DPP6: variants seen among roughly 807,000 people sequenced by gnomAD.
The protein encoded by DPP6 is dipeptidyl peptidase like 6.
In DPP6, 69 loss-of-function variants were observed where a neutral mutation model predicts 122.6. That is an observed-to-expected ratio of 0.56 (90% CI 0.46 to 0.69). DPP6 has a LOEUF of 0.69. DPP6 is among the 30% of genes least tolerant of loss of function. The probability of loss-of-function intolerance (pLI) is 0.00; values close to 1 mark genes in which losing one functional copy is unlikely to be tolerated. For synonymous variants in DPP6, 418 were observed against 433.1 expected, an observed-to-expected ratio of 0.97 and a Z score of 0.43; for missense variants, 928 against 1,116.9, an observed-to-expected ratio of 0.83 and a Z score of 2.41.
At chr7:154,203,282 A>C (rs965415615) in intron 1 of DPP6, among the ~76,000 whole-genome samples, 1 of 152,158 alleles carries the variant, frequency 6.6e-6, no homozygotes, top group African/African-American at 2.4e-5. Flanking sequence ...GAATACGGAA[A>C]CAATGATCCC....
chr7:154,331,821 C>T (rs544608605), intron 1 of DPP6, among the ~76,000 whole-genome samples: 5 of 152,302 alleles, frequency 3.3e-5, no homozygotes, highest in Admixed American at 1.3e-4. Context: ...CGTAAAAACA[C>T]TCTGTGACTT....
the DPP6 span, among the ~76,000 whole-genome samples, chr7:153,879,499 C>T: frequency 6.6e-6 from 1 of 152,176 alleles, no homozygotes; most frequent in African/African-American, 2.4e-5. Flanking sequence ...AAGCAATTCT[C>T]CTGTCTCAGC....
At chr7:154,332,547 T>C (rs1420942491) in intron 1 of DPP6, among the ~76,000 whole-genome samples, 3 of 152,234 alleles carry the variant, frequency 2.0e-5, no homozygotes, top group Non-Finnish European at 4.4e-5. Flanking sequence ...TTGGGGTCTT[T>C]GTGTGTCCAC....
At chr7:154,545,536 C>G (rs945625144) in intron 4 of DPP6, among the ~76,000 whole-genome samples, 1 of 135,974 alleles carries the variant, frequency 7.4e-6, no homozygotes, top group Non-Finnish European at 1.6e-5. Context: ...TGTAGAAATA[C>G]ACTTAAAATA....
chr7:154,081,566 G>A (rs79145247), intron 1 of DPP6, among the ~76,000 whole-genome samples: 75,738 of 140,992 alleles, frequency 0.54, 19,961 homozygotes, highest in South Asian at 0.65. Flanking sequence ...CTGTGGCATG[G>A]AGTAGGCTGG....
At position 154,060,742 on chromosome 7, in the gene DPP6, G is replaced by A. The variant is rs551594742; in HGVS notation, c.243+7679G>A. 4.9e-4 allele frequency among the ~76,000 whole-genome samples: 68 copies of A among 140,098 alleles called. No homozygotes were observed. The East Asian group carries it at 0.014, about 28-fold the overall frequency. 91.9% of individuals were successfully genotyped at this position (140,098 alleles called of 152,430 possible). On this transcript the variant is annotated intron_variant, in intron 1 of 25. Coordinates refer to ENST00000377770, the MANE Select transcript of DPP6 (RefSeq NM_130797.4). The stretch of plus-strand genomic sequence containing the variant: ...GGGGGGAGGCACCCCCCGCGAGGCA[G>A]GGACTGAGAGCCAGTCCCTCTTCCC...
At chr7:154,256,379 C>T (rs1002025488) in intron 1 of DPP6, among the ~76,000 whole-genome samples, 7 of 152,228 alleles carry the variant, frequency 4.6e-5, no homozygotes, top group Non-Finnish European at 1.0e-4. Flanking sequence ...CAGTGGCCCA[C>T]TGCCTTTTAT....
chr7:153,798,294 A>C, the DPP6 span, among the ~76,000 whole-genome samples: 1 of 152,232 alleles, frequency 6.6e-6, no homozygotes, highest in Non-Finnish European at 1.5e-5. Flanking sequence ...TCGGGGATGC[A>C]GAAATTCAGC....
intron 1 of DPP6, among the ~76,000 whole-genome samples, chr7:153,926,665 ATG>A (rs1350970253): frequency 6.6e-6 from 1 of 152,164 alleles, no homozygotes; most frequent in Non-Finnish European, 1.5e-5. Context: ...GAACCCAAGA[ATG>A]TGTCTTTGTA....
At chr7:154,665,560 G>C (rs1044216820) in intron 6 of DPP6, among the ~76,000 whole-genome samples, 1 of 151,872 alleles carries the variant, frequency 6.6e-6, no homozygotes, top group Admixed American at 6.6e-5. Context: ...CCCTGCCCCA[G>C]CCCAGATACA....
intron 1 of DPP6, among the ~76,000 whole-genome samples, chr7:154,297,076 TG>T (rs150245240): frequency 0.04 from 5,723 of 141,504 alleles, 175 homozygotes; most frequent in African/African-American, 0.083. Context: ...TTTTTTTTTT[TG>T]TTTTGTTTTT....
At chr7:154,644,967 T>C (rs1836355218) in intron 6 of DPP6, among the ~76,000 whole-genome samples, 1 of 151,836 alleles carries the variant, frequency 6.6e-6, no homozygotes, top group Non-Finnish European at 1.5e-5. Context: ...CGCCTTGGCC[T>C]CCCAATAAAA....
At chr7:154,693,197 C>A (rs1036419666) in intron 7 of DPP6, among the ~76,000 whole-genome samples, 1 of 152,118 alleles carries the variant, frequency 6.6e-6, no homozygotes, top group Non-Finnish European at 1.5e-5. Flanking sequence ...TGTGAGTGTG[C>A]TGTGAGTTGT....
chr7:154,367,778 A>T (rs1025244952), intron 1 of DPP6, among the ~76,000 whole-genome samples: 1 of 152,222 alleles, frequency 6.6e-6, no homozygotes, highest in Non-Finnish European at 1.5e-5. Context: ...TTGTGTGTGT[A>T]TGCAATTAGA....
intron 5 of DPP6, among the ~76,000 whole-genome samples, chr7:154,605,403 G>T (rs1333264741): frequency 8.4e-6 from 1 of 119,304 alleles, no homozygotes; most frequent in African/African-American, 2.7e-5. Flanking sequence ...TTAAACTACT[G>T]TTTCACTTCC....
intron 2 of DPP6, among the ~76,000 whole-genome samples, chr7:154,454,666 A>C (rs9655649): frequency 3.3e-5 from 5 of 152,016 alleles, no homozygotes; most frequent in African/African-American, 1.2e-4. Context: ...CCTGGAGCGC[A>C]CAGGGCCTGG....
chr7:153,907,299 C>G lies in DPP6; in HGVS notation c.51+19565C>G, dbSNP rs148177452. Among the ~76,000 whole-genome samples the G allele has an allele frequency of 5.3e-5, 8 of 152,264 alleles. No homozygotes were observed. In the East Asian group the frequency reaches 1.4e-3, roughly 26 times the overall value. Reference sequence around the variant, plus strand: ...CTGTGTTTGTTGGCCAAGAGCTAAGCATTCTGATGGCTTCGTGTGGATCAA... The same window carrying G: ...CTGTGTTTGTTGGCCAAGAGCTAAGGATTCTGATGGCTTCGTGTGGATCAA... On this transcript the variant is annotated intron_variant, in intron 1 of 25. Transcript: ENST00000404039.
intron 5 of DPP6, among the ~76,000 whole-genome samples, chr7:154,603,957 A>G (rs1400095413): frequency 1.7e-5 from 2 of 120,572 alleles, no homozygotes; most frequent in African/African-American, 5.3e-5. Context: ...TTGTTAGACC[A>G]GGTGGGTTCA....
intron 6 of DPP6, among the ~76,000 whole-genome samples, chr7:154,655,743 C>T (rs1297874209): frequency 4.6e-5 from 7 of 152,206 alleles, no homozygotes; most frequent in African/African-American, 1.7e-4. Flanking sequence ...AGGGACTTCT[C>T]CCGCAGGAAG....
Sources: allele counts gnomAD v4.1 joint callset (sites outside exome capture counted in the v4.1 genomes callset), GRCh38; gene constraint gnomAD v4.1.1; transcripts MANE v1.5; gene names NCBI Gene and HGNC (gene_info 2026-07-23, HGNC 2026-07-21).